RBM48: variants seen among roughly 807,000 people sequenced by gnomAD.
RBM48 encodes the protein RNA binding motif protein 48, also known as RNA-binding protein 48.
A neutral mutation model predicts 34.8 loss-of-function variants in RBM48; 32 were observed. That is an observed-to-expected ratio of 0.92 (90% CI 0.69 to 1.23). The LOEUF (loss-of-function observed/expected upper bound fraction) is 1.23, where lower values mean the gene tolerates loss of function less well. Among genes scored for constraint, RBM48 ranks in the 50% most tolerant of loss-of-function variants. RBM48 has a pLI of 0.00. For missense variants in RBM48, 441 were observed against 447.2 expected (o/e 0.99, Z 0.12); for synonymous variants, 151 against 156.2 (o/e 0.97, Z 0.25).
intron 4 of RBM48, chr7:92,535,498 C>T: frequency 1.0e-6 from 1 of 987,436 alleles, no homozygotes; most frequent in East Asian, 1.1e-4. Context: ...GATTGTGCTG[C>T]CTAGGTAGTC....
In RBM48 at chr7:92,538,193, G is replaced by A. The variant is rs1235416836; in HGVS notation, c.*1256G>A. Among the ~76,000 whole-genome samples the A allele has an allele frequency of 1.3e-5, 2 of 152,130 alleles. No individual in the cohort carries two copies. Among genetic ancestry groups the A allele is most frequent in the African/African-American group, 2.4e-5 (1 of 41,422 alleles). On this transcript the variant is annotated 3_prime_UTR_variant, in exon 5 of 5. Coordinates refer to ENST00000265732, the MANE Select transcript of RBM48 (RefSeq NM_032120.4). ...GAGGCTTTATTCGGCCAGGAGCGTC[G>A]GCAGACTTGTGTCTCAAGAACCGTG...
At chr7:92,535,530 TTACA>T in intron 4 of RBM48, 1 of 985,922 alleles carries the variant, frequency 1.0e-6, no homozygotes, top group Non-Finnish European at 1.2e-6. Context: ...TTAATGTCAT[TTACA>T]TAATCATTTT....
Position 92,538,792 on chromosome 7 carries a change from A to C in RBM48, c.*1855A>C, listed in dbSNP as rs999091648. On this transcript the variant is annotated 3_prime_UTR_variant, in exon 5 of 5. Coordinates refer to ENST00000265732, the MANE Select transcript of RBM48 (RefSeq NM_032120.4). ...TACGGTTTAATGGGCATAGAATTTC[A>C]GTTTTGGAAGATGAAAAGAGTTCTA... 2.0e-5 allele frequency among the ~76,000 whole-genome samples: 3 copies of C among 152,110 alleles called. No individual in the cohort carries two copies. The highest frequency in any genetic ancestry group is 7.2e-5 in the African/African-American group (3 of 41,416).
At chr7:92,531,546 G>T (rs1427446802) in intron 2 of RBM48, among the ~76,000 whole-genome samples, 2 of 152,160 alleles carry the variant, frequency 1.3e-5, no homozygotes. Flanking sequence ...ACTGGGTCTT[G>T]TGTGGTTTTC....
In RBM48 at chr7:92,528,930, G is replaced by C; in HGVS notation, c.111+6G>C. On this transcript the variant is annotated splice_donor_region_variant and intron_variant, in intron 1 of 4. Transcript: ENST00000265732. ...GACGGCCTCGTGCTGTGAAGGTAAAGTGATTTTGGTTTCATTCGCTCTCCT... is the reference window on the plus strand; with the variant it reads ...GACGGCCTCGTGCTGTGAAGGTAAACTGATTTTGGTTTCATTCGCTCTCCT... The C allele has an allele frequency of 3.1e-6, 5 of 1,608,504 alleles. No individual in the cohort carries two copies. Among genetic ancestry groups the C allele is most frequent in the Non-Finnish European group, 4.3e-6 (5 of 1,175,542 alleles).
chr7:92,536,719 C>T (rs1793720767), intron 4 of RBM48, 132 bp from the exon 5 acceptor site: 22 of 1,373,922 alleles, frequency 1.6e-5, no homozygotes, highest in Non-Finnish European at 2.0e-5. Flanking sequence ...GTACCTTGAA[C>T]TTAGGCGAAC....
intron 3 of RBM48, among the ~76,000 whole-genome samples, chr7:92,533,423 G>C (rs1323836873): frequency 6.6e-6 from 1 of 152,172 alleles, no homozygotes; most frequent in African/African-American, 2.4e-5. Context: ...ATGAATTAAA[G>C]ACAAAATAAG....
chr7:92,530,515 G>T (rs965009923), intron 2 of RBM48, among the ~76,000 whole-genome samples: 45 of 149,922 alleles, frequency 3.0e-4, no homozygotes, highest in Admixed American at 1.5e-3. Context: ...AAAAATTCTG[G>T]TTTGACGCCA....
At position 92,529,434 on chromosome 7, in the gene RBM48, C is replaced by A. The variant is rs1204073130; in HGVS notation, c.112-42C>A. ...AAAATAGAGGCAGATTCGTCCTAGG[C>A]TTATTTGCGAAATACGTTTAATAAC... On this transcript the variant is annotated intron_variant, in intron 1 of 4. Coordinates refer to ENST00000265732, the MANE Select transcript of RBM48 (RefSeq NM_032120.4). The A allele has an allele frequency of 3.2e-6, 4 of 1,253,522 alleles. No homozygotes were observed. The South Asian group carries it at 5.6e-5, about 17-fold the overall frequency. 77.6% of individuals were successfully genotyped at this position (1,253,522 alleles called of 1,614,324 possible). A position where few individuals can be genotyped will look rare whatever the true frequency, so the allele number is the denominator to read the frequency against.
At chr7:92,532,187 C>G (rs1045210290) in intron 2 of RBM48, among the ~76,000 whole-genome samples, 12 of 152,054 alleles carry the variant, frequency 7.9e-5, no homozygotes, top group Non-Finnish European at 1.8e-4. Flanking sequence ...CAAAGAGGCT[C>G]AAAGGGAAGG....
intron 3 of RBM48, among the ~76,000 whole-genome samples, chr7:92,533,207 T>G (rs1372367632): frequency 1.3e-5 from 2 of 152,162 alleles, no homozygotes; most frequent in Non-Finnish European, 2.9e-5. Context: ...CTGTTGAGAA[T>G]CCCCAGTCAT....
At chr7:92,532,192 G>A (rs1355302338) in intron 2 of RBM48, among the ~76,000 whole-genome samples, 2 of 152,132 alleles carry the variant, frequency 1.3e-5, no homozygotes, top group Non-Finnish European at 2.9e-5. Flanking sequence ...AGGCTCAAAG[G>A]GAAGGAAAGG....
At chr7:92,533,648 A>G (rs1404933236) in intron 3 of RBM48, among the ~76,000 whole-genome samples, 1 of 152,198 alleles carries the variant, frequency 6.6e-6, no homozygotes. Context: ...TCTAGCCTCT[A>G]CAAGATGCAT....
intron 4 of RBM48, 59 bp downstream of exon 4, chr7:92,535,029 G>A: frequency 1.3e-6 from 2 of 1,587,342 alleles, no homozygotes; most frequent in East Asian, 4.6e-5. Context: ...ATTAAATGGA[G>A]AATTATTTGT....
chr7:92,532,619 C>A, intron 3 of RBM48, 70 bp downstream of exon 3: 2 of 1,136,526 alleles, frequency 1.8e-6, no homozygotes, highest in South Asian at 1.4e-5. Flanking sequence ...TCATGCAATT[C>A]CCAGTCTAGT....
In RBM48 at chr7:92,529,459, C is replaced by T. The variant is rs374461346; in HGVS notation, c.112-17C>T. ...CTTATTTGCGAAATACGTTTAATAA[C>T]TCTGCATTTCTTTCAGGTATATACA... On this transcript the variant is annotated splice_polypyrimidine_tract_variant and intron_variant, in intron 1 of 4. Coordinates refer to ENST00000265732, the MANE Select transcript of RBM48 (RefSeq NM_032120.4). 3 of 1,495,832 alleles carry T rather than the reference C, an allele frequency of 2.0e-6. No homozygotes were observed. The highest frequency in any genetic ancestry group is 1.4e-5 in the African/African-American group (1 of 71,296). The allele number at this position is 1,495,832 out of a possible 1,614,324, so 92.7% of individuals were successfully genotyped here.
intron 1 of RBM48, 51 bp from the exon 2 acceptor site, chr7:92,529,425 C>A (rs370178544): frequency 9.2e-7 from 1 of 1,091,554 alleles, no homozygotes; most frequent in East Asian, 2.5e-5. Context: ...GAGGCAGATT[C>A]GTCCTAGGCT....
rs1793799775 is a variant in RBM48 at position 92,539,175 on chromosome 7, G to A, written c.*2238G>A. On this transcript the variant is annotated 3_prime_UTR_variant, in exon 5 of 5. Transcript: ENST00000265732. ...GGAAGCAGCTGAAGAACGGTTGGCT[G>A]TTCCATCCTAAGCAGTTACTCTGAT... Among the ~76,000 whole-genome samples, 1 of 152,174 alleles carries A rather than the reference G, an allele frequency of 6.6e-6. No homozygotes were observed. Among genetic ancestry groups the A allele is most frequent in the African/African-American group, 2.4e-5 (1 of 41,442 alleles).
chr7:92,539,385 C>G lies in RBM48; in HGVS notation c.*2448C>G, dbSNP rs1374832225. Reference sequence around the variant, plus strand: ...TGGATAAGGATAGCTTAATAACATGCAAGCTAATTTACAAAATTTCCATAT... The same window carrying G: ...TGGATAAGGATAGCTTAATAACATGGAAGCTAATTTACAAAATTTCCATAT... On this transcript the variant is annotated 3_prime_UTR_variant, in exon 5 of 5. Coordinates refer to ENST00000265732, the MANE Select transcript of RBM48 (RefSeq NM_032120.4). 6.6e-6 allele frequency among the ~76,000 whole-genome samples: 1 copy of G among 152,176 alleles called. No homozygotes were observed. Among genetic ancestry groups the G allele is most frequent in the Non-Finnish European group, 1.5e-5 (1 of 68,036 alleles).
Sources: allele counts gnomAD v4.1 joint callset (sites outside exome capture counted in the v4.1 genomes callset), GRCh38; gene constraint gnomAD v4.1.1; transcripts MANE v1.5; gene names NCBI Gene and HGNC (gene_info 2026-07-23, HGNC 2026-07-21).